The following ANGEL1 variants were observed in gnomAD, a reference collection of about 807,000 sequenced individuals.
ANGEL1 encodes the protein angel homolog 1.
In ANGEL1, 62 loss-of-function variants were observed where a neutral mutation model predicts 76.4. The ratio of observed to expected loss-of-function variants is 0.81; its 90% CI spans 0.66 to 1.00. ANGEL1 has a LOEUF of 1.00. ANGEL1 is among the 50% of genes least tolerant of loss of function. ANGEL1 has a pLI of 0.00. For missense variants in ANGEL1, 737 were observed against 836.7 expected (o/e 0.88, Z 1.47); for synonymous variants, 340 against 331.7 (o/e 1.03, Z -0.27).
At chr14:76,793,429 G>C (rs1894477490) in intron 7 of ANGEL1, among the ~76,000 whole-genome samples, 1 of 68,946 alleles carries the variant, frequency 1.5e-5, no homozygotes, top group African/African-American at 5.3e-5. Context: ...GGAGAGGGGA[G>C]GAGGAGGAGG....
intron 7 of ANGEL1, 88 bp from the exon 8 acceptor site, chr14:76,791,454 C>T (rs897129592): frequency 7.9e-5 from 98 of 1,247,044 alleles, no homozygotes; most frequent in Non-Finnish European, 1.0e-4. Flanking sequence ...CCTCTCAGAT[C>T]CTTGACTGGA....
intron 8 of ANGEL1, 146 bp from the exon 9 acceptor site, chr14:76,790,920 G>T: frequency 8.3e-7 from 1 of 1,204,802 alleles, no homozygotes. Context: ...GCTAAGAAGG[G>T]GCTGGCAGTC....
intron 7 of ANGEL1, among the ~76,000 whole-genome samples, chr14:76,801,085 A>T (rs1428118426): frequency 6.6e-6 from 1 of 151,180 alleles, no homozygotes; most frequent in African/African-American, 2.4e-5. Flanking sequence ...ACCTCACTGG[A>T]ATGTCTTAGT....
At chr14:76,791,895 C>G (rs1264526061) in intron 7 of ANGEL1, among the ~76,000 whole-genome samples, 1 of 151,752 alleles carries the variant, frequency 6.6e-6, no homozygotes, top group Non-Finnish European at 1.5e-5. Flanking sequence ...ATCATACACA[C>G]GAATGTTAAA....
chr14:76,797,428 A>C (rs1182161317), intron 7 of ANGEL1, among the ~76,000 whole-genome samples: 1 of 152,120 alleles, frequency 6.6e-6, no homozygotes. Context: ...GTGAAACCCT[A>C]TCTCTACTAA....
At chr14:76,799,113 TC>T in intron 7 of ANGEL1, among the ~76,000 whole-genome samples, 1 of 151,998 alleles carries the variant, frequency 6.6e-6, no homozygotes, top group African/African-American at 2.4e-5. Context: ...ACTCAGAGGC[TC>T]CCCATTCAAG....
chr14:76,794,683 A>G (rs563600529), intron 7 of ANGEL1, among the ~76,000 whole-genome samples: 5 of 150,696 alleles, frequency 3.3e-5, no homozygotes, highest in East Asian at 1.9e-4. Flanking sequence ...AAAAAAAAAA[A>G]AAAGAAAGGA....
intron 1 of ANGEL1, among the ~76,000 whole-genome samples, chr14:76,811,246 C>A (rs1444698805): frequency 6.6e-6 from 1 of 152,186 alleles, no homozygotes; most frequent in Non-Finnish European, 1.5e-5. Flanking sequence ...GATTGAGAAA[C>A]CCTGCTCTAA....
At chr14:76,798,020 A>C (rs1894634959) in intron 7 of ANGEL1, among the ~76,000 whole-genome samples, 2 of 152,142 alleles carry the variant, frequency 1.3e-5, no homozygotes, top group Non-Finnish European at 2.9e-5. Flanking sequence ...TAGTGCTCTT[A>C]TAAAAGATGC....
At chr14:76,808,199 G>C in intron 2 of ANGEL1, 51 bp from the exon 3 acceptor site, 2 of 1,509,788 alleles carry the variant, frequency 1.3e-6, no homozygotes, top group Non-Finnish European at 1.8e-6. Context: ...TAATGCAGAG[G>C]TGCTGCCATC....
At position 76,787,566 on chromosome 14, in the gene ANGEL1, T is replaced by C. The variant is rs1894288692; in HGVS notation, c.*1662A>G. On this transcript the variant is annotated 3_prime_UTR_variant, in exon 10 of 10. Coordinates refer to ENST00000251089, the MANE Select transcript of ANGEL1 (RefSeq NM_015305.4). The stretch of plus-strand genomic sequence containing the variant: ...TGCCCAGTACCCAGGAAACAAAGTT[T>C]GAAAATATATACACATAGAAAAATA... The C allele has an allele frequency of 6.6e-6, 1 of 152,608 alleles. No individual in the cohort carries two copies. Among genetic ancestry groups the C allele is most frequent in the South Asian group, 2.1e-4 (1 of 4,830 alleles). The allele number at this position is 152,608 out of a possible 1,614,324, so 9.5% of individuals were successfully genotyped here.
chr14:76,804,360 A>G (rs1198297736), intron 5 of ANGEL1: 3 of 1,051,366 alleles, frequency 2.9e-6, no homozygotes, highest in African/African-American at 3.4e-5. Context: ...ATGGGAAAGC[A>G]CCAAAGCACT....
Position 76,809,519 on chromosome 14 carries a change from C to T in ANGEL1, c.189G>A (p.Gln63=), listed in dbSNP as rs1484132219. 1.2e-6 allele frequency: 2 copies of T among 1,614,256 alleles called. No homozygotes were observed. The highest frequency in any genetic ancestry group is 8.5e-7 in the Non-Finnish European group (1 of 1,180,050). The change falls in exon 2 of 10, where the codon CAG becomes CAA. Residue 63 remains glutamine (Q), a synonymous_variant. Coordinates refer to ENST00000251089, the MANE Select transcript of ANGEL1 (RefSeq NM_015305.4). ...CCTGGCTCAACCCTTCTTCTCGCCA[C>T]TGCTGCAGCAGGCCCTCACATTCCT... ...EQEECEGLLQ[Q]WREEGLSQVL...
rs1894277273 is a variant in ANGEL1 at position 76,787,018 on chromosome 14, G to C, written c.*2210C>G. 6.6e-6 allele frequency: 1 copy of C among 152,248 alleles called. No individual in the cohort carries two copies. Among genetic ancestry groups the C allele is most frequent in the African/African-American group, 2.4e-5 (1 of 41,458 alleles). The allele number at this position is 152,248 out of a possible 1,614,324, so 9.4% of individuals were successfully genotyped here. A position where few individuals can be genotyped will look rare whatever the true frequency, so the allele number is the denominator to read the frequency against. On this transcript the variant is annotated 3_prime_UTR_variant, in exon 10 of 10. Transcript: ENST00000251089. The stretch of plus-strand genomic sequence containing the variant: ...GAAAGCTGTACCCCAGCAGTGTCAA[G>C]GCAGGAGGCTTCACTCAAGCCCTGT...
At chr14:76,809,012 T>G in intron 2 of ANGEL1, 47 bp downstream of exon 2, 7 of 1,543,636 alleles carry the variant, frequency 4.5e-6, no homozygotes, top group African/African-American at 2.7e-5. Context: ...TGCCCACACC[T>G]GAGACACCCT....
At position 76,806,781 on chromosome 14, in the gene ANGEL1, T is replaced by A; in HGVS notation, c.1015A>T (p.Thr339Ser). 6.2e-7 allele frequency: 1 copy of A among 1,614,180 alleles called. No homozygotes were observed. The highest frequency in any genetic ancestry group is 8.5e-7 in the Non-Finnish European group (1 of 1,180,034). The change falls in exon 5 of 10, where the codon ACC becomes TCC. Residue 339 changes from threonine (T) to serine (S), a missense_variant. Physicochemically the swap from Thr to Ser is moderately conservative, Grantham distance 58. This residue lies in a region of ANGEL1 where 441 missense variants were observed against 449.5 expected (regional missense o/e 0.98). Coordinates refer to ENST00000251089, the MANE Select transcript of ANGEL1 (RefSeq NM_015305.4). ...TDGCAVCYKP[T>S]RFRLLCASPV... Reference sequence around the variant, plus strand: ...CTAGCACAGAGCAGGCGGAATCTGGTAGGCTTGTAGCAGACAGCACAGCCA... The same window carrying A: ...CTAGCACAGAGCAGGCGGAATCTGGAAGGCTTGTAGCAGACAGCACAGCCA...
chr14:76,811,405 T>TTGGTGG (rs35281185), intron 1 of ANGEL1, among the ~76,000 whole-genome samples: 8 of 151,312 alleles, frequency 5.3e-5, no homozygotes, highest in Admixed American at 2.0e-4. Context: ...TAGATGTCTT[T>TTGGTGG]TGGTGGTGGT....
chr14:76,789,110 G>C lies in ANGEL1; in HGVS notation c.*118C>G. ...CCGTGGGAAAAAGGGAACGAGGAGG[G>C]GGAAGGGAGGGGATGTAAGTTTCTT... On this transcript the variant is annotated 3_prime_UTR_variant, in exon 10 of 10. Coordinates refer to ENST00000251089, the MANE Select transcript of ANGEL1 (RefSeq NM_015305.4). 1 of 1,318,008 alleles carries C rather than the reference G, an allele frequency of 7.6e-7. No homozygotes were observed. The highest frequency in any genetic ancestry group is 1.4e-5 in the South Asian group (1 of 71,950). The allele number at this position is 1,318,008 out of a possible 1,614,324, so 81.6% of individuals were successfully genotyped here.
rs749141548 is a variant in ANGEL1 at position 76,803,795 on chromosome 14, T to C, written c.1498A>G (p.Lys500Glu). 6.2e-7 allele frequency: 1 copy of C among 1,612,700 alleles called. No individual in the cohort carries two copies. Among genetic ancestry groups the C allele is most frequent in the East Asian group, 2.2e-5 (1 of 44,862 alleles). The change falls in exon 6 of 10, where the codon AAG becomes GAG. Residue 500 changes from lysine to glutamate, a missense_variant. By Grantham distance (56) the Lys-to-Glu change is moderately conservative. Around this residue, in one of 2 missense-constraint regions of ANGEL1, gnomAD observed 296 missense variants for 387.2 expected, o/e 0.76. Coordinates refer to ENST00000251089, the MANE Select transcript of ANGEL1 (RefSeq NM_015305.4). Reference protein sequence around the residue: ...CCQYVTSCHPKRSERRKYGRD... With the variant: ...CCQYVTSCHPERSERRKYGRD... ...TGTGACATGTGCTCACCTGATCTCT[T>C]GGGGTGACAGGAGGTGACATACTGA...
Sources: allele counts gnomAD v4.1 joint callset (sites outside exome capture counted in the v4.1 genomes callset), GRCh38; gene constraint gnomAD v4.1.1; regional missense constraint gnomAD v4.1.1; transcripts MANE v1.5; gene names NCBI Gene and HGNC (gene_info 2026-07-23, HGNC 2026-07-21).